The following SGCZ variants were observed in gnomAD, a reference collection of about 807,000 sequenced individuals.
SGCZ encodes the protein sarcoglycan zeta, also known as zeta-sarcoglycan.
In SGCZ, 40 loss-of-function variants were observed where a neutral mutation model predicts 41.3. The observed-to-expected ratio is 0.97, with a 90% CI of 0.75 to 1.26. The LOEUF is 1.26. SGCZ is among the 50% of genes most tolerant of loss of function. The pLI, the probability that SGCZ is intolerant of heterozygous loss-of-function variation, is 0.00. For synonymous variants in SGCZ, 206 were observed against 137.5 expected (o/e 1.50, Z -3.49); for missense variants, 552 against 369.8 (o/e 1.49, Z -4.04).
At chr8:14,479,121 T>C (rs1482133387) in intron 2 of SGCZ, among the ~76,000 whole-genome samples, 1 of 152,130 alleles carries the variant, frequency 6.6e-6, no homozygotes, top group Non-Finnish European at 1.5e-5. Flanking sequence ...AGTCCCACGA[T>C]AGGCCATCAG....
At chr8:14,178,697 G>C (rs909006167) in intron 4 of SGCZ, among the ~76,000 whole-genome samples, 1 of 152,136 alleles carries the variant, frequency 6.6e-6, no homozygotes, top group Non-Finnish European at 1.5e-5. Flanking sequence ...CTACACAAAT[G>C]GTTAACAGGA....
chr8:14,763,986 G>T (rs923985926), intron 1 of SGCZ, among the ~76,000 whole-genome samples: 1 of 152,144 alleles, frequency 6.6e-6, no homozygotes, highest in Non-Finnish European at 1.5e-5. Context: ...TGTTCAGATG[G>T]GAGTTTCTAA....
rs570828996 is a variant in SGCZ, at chr8:14,442,392, G to T, written c.234+112340C>A. Among the ~76,000 whole-genome samples the T allele has an allele frequency of 8.9e-4, 136 of 152,276 alleles. No individual in the cohort carries two copies. In the Middle Eastern group the frequency reaches 0.01, roughly 11 times the overall value. ...TCCTCCTTTACCTTCCACCATGATTGTGAAGCCTCTTCAGCCATGTGGAAC... is the reference window on the plus strand; with the variant it reads ...TCCTCCTTTACCTTCCACCATGATTTTGAAGCCTCTTCAGCCATGTGGAAC... On this transcript the variant is annotated intron_variant, in intron 2 of 7. Transcript: ENST00000382080.
rs1446680518 is a variant in SGCZ, at chr8:14,671,944, T to C, written c.40-117018A>G. 3.3e-5 allele frequency among the ~76,000 whole-genome samples: 5 copies of C among 152,154 alleles called. No individual in the cohort carries two copies. In the South Asian group the frequency reaches 8.3e-4, roughly 25 times the overall value. The stretch of plus-strand genomic sequence containing the variant: ...TAACATATTTTGCCATTTTGCCTTA[T>C]TAATATCATAAAACATCATTTTCGA... On this transcript the variant is annotated intron_variant, in intron 1 of 7. Coordinates refer to ENST00000382080, the MANE Select transcript of SGCZ (RefSeq NM_139167.4).
At chr8:14,413,481 T>C (rs1406497252) in intron 2 of SGCZ, among the ~76,000 whole-genome samples, 3 of 152,006 alleles carry the variant, frequency 2.0e-5, no homozygotes, top group Admixed American at 6.6e-5. Context: ...TGGATTGTCC[T>C]AATGGATCCT....
chr8:15,199,727 G>C (rs1023904313), intron 1 of SGCZ, among the ~76,000 whole-genome samples: 1 of 152,032 alleles, frequency 6.6e-6, no homozygotes, highest in Non-Finnish European at 1.5e-5. Context: ...TAAACTATTG[G>C]CTAGGGAAAC....
In SGCZ at chr8:14,237,672, G is replaced by A. The variant is rs528398080; in HGVS notation, c.344C>T (p.Pro115Leu). 5.2e-5 allele frequency: 84 copies of A among 1,612,854 alleles called. No individual in the cohort carries two copies. The South Asian group carries it at 6.3e-4, about 12-fold the overall frequency. Residue 115 changes from proline (P) to leucine (L), a missense_variant, in exon 4 of 8, where the codon CCG becomes CTG. Coordinates refer to ENST00000382080, the MANE Select transcript of SGCZ (RefSeq NM_139167.4). Reference protein sequence around the residue: ...VKEIHSRKDSPLVLQSDRNVT... With the variant: ...VKEIHSRKDSLLVLQSDRNVT... ...ATTCCTGTCAGACTGTAAGACCAGC[G>A]GACTATCCTGGGAAACATGTATAAA...
intron 1 of SGCZ, among the ~76,000 whole-genome samples, chr8:14,604,576 T>G (rs962455990): frequency 1.1e-4 from 16 of 152,180 alleles, no homozygotes; most frequent in African/African-American, 3.1e-4. Context: ...CATGTTGCAA[T>G]GAGGTGATAA....
intron 1 of SGCZ, among the ~76,000 whole-genome samples, chr8:14,758,209 C>G (rs989946919): frequency 6.6e-6 from 1 of 152,168 alleles, no homozygotes; most frequent in Non-Finnish European, 1.5e-5. Flanking sequence ...GCCTGGTTTA[C>G]AAATCCAGTG....
chr8:14,270,603 G>C (rs1169062688), intron 3 of SGCZ, among the ~76,000 whole-genome samples: 2 of 152,264 alleles, frequency 1.3e-5, no homozygotes, highest in African/African-American at 4.8e-5. Flanking sequence ...TAACAGCTAA[G>C]ATTGGGTTGT....
chr8:14,414,341 A>C (rs1233488230), intron 2 of SGCZ, among the ~76,000 whole-genome samples: 1 of 151,954 alleles, frequency 6.6e-6, no homozygotes, highest in Non-Finnish European at 1.5e-5. Flanking sequence ...TATGGTCCTC[A>C]TGCTCTTGAA....
chr8:14,499,070 C>A (rs1460862909), intron 2 of SGCZ, among the ~76,000 whole-genome samples: 1 of 151,740 alleles, frequency 6.6e-6, no homozygotes, highest in Non-Finnish European at 1.5e-5. Flanking sequence ...AATATTTTGA[C>A]CTCTTATTAT....
At chr8:14,378,166 T>C (rs1804209095) in intron 2 of SGCZ, among the ~76,000 whole-genome samples, 1 of 150,440 alleles carries the variant, frequency 6.6e-6, no homozygotes, top group African/African-American at 2.5e-5. Flanking sequence ...AGTGTTCCTA[T>C]TTCTCCACAT....
rs183393106 is a variant in SGCZ at position 15,137,457 on chromosome 8, G to A, written c.39+100128C>T. Among the ~76,000 whole-genome samples the A allele has an allele frequency of 1.8e-4, 27 of 152,290 alleles. No homozygotes were observed. The East Asian group carries it at 3.1e-3, about 17-fold the overall frequency. On this transcript the variant is annotated intron_variant, in intron 1 of 7. Coordinates refer to ENST00000382080, the MANE Select transcript of SGCZ (RefSeq NM_139167.4). ...GGAGTAAATGTCTCCAAGGCATGTC[G>A]GGGACCTTCCTGGCAGCCCCTCCCA...
intron 1 of SGCZ, among the ~76,000 whole-genome samples, chr8:15,206,992 G>C (rs371068000): frequency 6.6e-6 from 1 of 152,112 alleles, no homozygotes; most frequent in Non-Finnish European, 1.5e-5. Flanking sequence ...AAAGGAAAGA[G>C]TAAATGCAAG....
In SGCZ at chr8:14,101,536, G is replaced by GCAGGAGAAAA. The variant is rs1802020815; in HGVS notation, c.744+830_744+839dup. Among the ~76,000 whole-genome samples, 3 of 152,146 alleles carry GCAGGAGAAAA rather than the reference G, an allele frequency of 2.0e-5. No individual in the cohort carries two copies. The South Asian group carries it at 6.2e-4, about 31-fold the overall frequency. ...GACAAAGTATTATTTAAAGCAGACA[G>GCAGGAGAAAA]CAGGAGAAAAAATAAATGATGTCTG... On this transcript the variant is annotated intron_variant, in intron 7 of 7. Transcript: ENST00000382080.
intron 1 of SGCZ, among the ~76,000 whole-genome samples, chr8:14,936,656 G>A (rs1353345608): frequency 6.6e-6 from 1 of 151,826 alleles, no homozygotes; most frequent in East Asian, 1.9e-4. Context: ...GGTTCATAAG[G>A]ATAAAAATAG....
intron 1 of SGCZ, among the ~76,000 whole-genome samples, chr8:14,842,134 T>C (rs1328342668): frequency 6.6e-6 from 1 of 152,160 alleles, no homozygotes. Context: ...CATGAAACTT[T>C]AGCCAGAACA....
intron 1 of SGCZ, among the ~76,000 whole-genome samples, chr8:14,890,273 GGAAAGAAACGAAAGGAAGGAAAGAAAC>G (rs1390324822): frequency 1.3e-5 from 2 of 149,356 alleles, no homozygotes; most frequent in Non-Finnish European, 3.0e-5. Flanking sequence ...AGGAAAGGAA[GGAAAGAAACGAAAGGAAGGAAAGAAAC>G]GAAAGAAAAG....
Sources: gnomAD v4.1 joint callset for allele counts (sites outside exome capture counted in the v4.1 genomes callset) on GRCh38, gnomAD v4.1.1 for gene constraint, MANE v1.5 for transcripts, NCBI Gene and HGNC (gene_info 2026-07-23, HGNC 2026-07-21) for gene names.